CUX1: variants seen among roughly 807,000 people sequenced by gnomAD.
CUX1 encodes the protein cut like homeobox 1.
Under a neutral mutation model 158.8 loss-of-function variants are expected in CUX1, and 31 were observed. The ratio of observed to expected loss-of-function variants is 0.20; its 90% CI spans 0.15 to 0.26. The LOEUF (loss-of-function observed/expected upper bound fraction) is 0.26. CUX1 is among the 10% of genes least tolerant of loss of function. The pLI is 1.00. For missense variants in CUX1, 1,589 were observed against 2,014.6 expected, an observed-to-expected ratio of 0.79 and a Z score of 4.04; for synonymous variants, 879 against 862.1, an observed-to-expected ratio of 1.02 and a Z score of -0.34.
chr7:102,113,001 C>T (rs782536527), intron 7 of CUX1, among the ~76,000 whole-genome samples: 19 of 152,008 alleles, frequency 1.2e-4, no homozygotes, highest in Non-Finnish European at 2.5e-4. Context: ...AGAAAATAAT[C>T]ACCACAAATT....
In CUX1 at chr7:102,279,848, T is replaced by C. The variant is rs562618887; in HGVS notation, c.1681-189T>C. Among the ~76,000 whole-genome samples, 4 of 152,350 alleles carry C rather than the reference T, an allele frequency of 2.6e-5. No homozygotes were observed. In the South Asian group the frequency reaches 8.3e-4, roughly 32 times the overall value. ...GACCCCATGGGTAACTCCATGCCCC[T>C]GTGGCAGGAGGCACCAGCCACATTC... On this transcript the variant is annotated intron_variant, in intron 18 of 22. Transcript: ENST00000292538.
intron 8 of CUX1, among the ~76,000 whole-genome samples, chr7:102,146,028 T>C (rs782636776): frequency 1.1e-4 from 16 of 152,156 alleles, no homozygotes; most frequent in Non-Finnish European, 1.9e-4. Flanking sequence ...GCCACACTCT[T>C]TTCTGTAGAC....
Position 102,179,826 on chromosome 7 carries a change from G to A in CUX1, c.1017+1169G>A, listed in dbSNP as rs1297626. On this transcript the variant is annotated intron_variant, in intron 11 of 23. Coordinates refer to ENST00000292535, the MANE Select transcript of CUX1 (RefSeq NM_181552.4). The stretch of plus-strand genomic sequence containing the variant: ...AGGCCAGGGGTTCCCTGCTCTGCCC[G>A]GGGGCTGCCCGTTCAGGCCCATTCC... Among the ~76,000 whole-genome samples the A allele has an allele frequency of 1.0e-3, 155 of 152,186 alleles. 1 individual carries two copies. The highest frequency in any genetic ancestry group is 1.1e-3 in the Non-Finnish European group (74 of 68,030).
intron 10 of CUX1, among the ~76,000 whole-genome samples, chr7:102,177,240 C>G (rs557338312): frequency 1.3e-5 from 2 of 151,498 alleles, no homozygotes; most frequent in South Asian, 2.1e-4. Flanking sequence ...ATAGTGAAAC[C>G]CCATCTCTAC....
chr7:102,172,404 G>A (rs782159954), intron 10 of CUX1, among the ~76,000 whole-genome samples: 2 of 151,820 alleles, frequency 1.3e-5, no homozygotes, highest in Non-Finnish European at 2.9e-5. Context: ...AGGCTGGAAT[G>A]CAGTGGAGTG....
rs562844207 is a variant in CUX1, at chr7:101,830,119, G to T, written c.30+12450G>T. On this transcript the variant is annotated intron_variant, in intron 1 of 23. Coordinates refer to ENST00000292535, the MANE Select transcript of CUX1 (RefSeq NM_181552.4). ...GGGGAGTGAATTGCCCGTAGATACT[G>T]ATACCTGTACTTAACCCTGTGACGG... 3.3e-5 allele frequency among the ~76,000 whole-genome samples: 5 copies of T among 152,312 alleles called. No homozygotes were observed. In the East Asian group the frequency reaches 9.7e-4, roughly 29 times the overall value.
At chr7:101,848,051 CAAAAAAAAAAAAA>C (rs57428019) in intron 1 of CUX1, among the ~76,000 whole-genome samples, 3 of 65,378 alleles carry the variant, frequency 4.6e-5, no homozygotes, top group South Asian at 6.0e-4. Flanking sequence ...GAGCAAGACT[CAAAAAAAAAAAAA>C]AAAAAAAAAA....
chr7:102,203,370 A>G (rs549615210), intron 18 of CUX1, among the ~76,000 whole-genome samples: 1 of 151,768 alleles, frequency 6.6e-6, no homozygotes, highest in Non-Finnish European at 1.5e-5. Flanking sequence ...GGGTCCCTGC[A>G]TGGCGCCGTC....
chr7:101,886,855 G>A (rs552905122), intron 1 of CUX1, among the ~76,000 whole-genome samples: 30 of 152,160 alleles, frequency 2.0e-4, no homozygotes, highest in Non-Finnish European at 2.6e-4. Flanking sequence ...GAGAGCCCAC[G>A]GGTGTTTTCT....
rs1789879009 is a variant in CUX1, at chr7:102,256,228, C to T, written c.*7186C>T. 1 of 985,302 alleles carries T rather than the reference C, an allele frequency of 1.0e-6. No individual in the cohort carries two copies. Among genetic ancestry groups the T allele is most frequent in the Non-Finnish European group, 1.2e-6 (1 of 829,946 alleles). 61.0% of individuals were successfully genotyped at this position (985,302 alleles called of 1,614,324 possible). The stretch of plus-strand genomic sequence containing the variant: ...CTGAGGCCACAGCCATCCCTTCCAG[C>T]ACTTAATCTTGTCTTGTTGAAATGG... On this transcript the variant is annotated 3_prime_UTR_variant, in exon 24 of 24. Transcript: ENST00000292535.
intron 2 of CUX1, among the ~76,000 whole-genome samples, chr7:101,986,467 G>A (rs1814308982): frequency 1.3e-5 from 2 of 152,194 alleles, no homozygotes; most frequent in Non-Finnish European, 1.5e-5. Context: ...GAGAGAGCTG[G>A]CAGCCCTTCC....
chr7:101,968,174 G>A (rs1811462417), intron 2 of CUX1, among the ~76,000 whole-genome samples: 1 of 152,146 alleles, frequency 6.6e-6, no homozygotes, highest in Non-Finnish European at 1.5e-5. Context: ...CAAAATGCCA[G>A]GATTACAGGC....
chr7:101,817,156 C>T, upstream of CUX1: 1 of 984,384 alleles, frequency 1.0e-6, no homozygotes, highest in Non-Finnish European at 1.2e-6. The surrounding 1 kb of genome is among the most constrained non-coding windows in gnomAD (Gnocchi z 4.1). Flanking sequence ...GAGGCTGCAA[C>T]TTTCCCCTAG....
intron 1 of CUX1, among the ~76,000 whole-genome samples, chr7:101,884,519 C>T (rs898405955): frequency 2.0e-5 from 3 of 152,120 alleles, no homozygotes; most frequent in Non-Finnish European, 2.9e-5. Context: ...TTTAAAGCCC[C>T]GTGTGAGGTG....
At chr7:101,937,876 G>A (rs561146517) in intron 2 of CUX1, among the ~76,000 whole-genome samples, 3 of 152,284 alleles carry the variant, frequency 2.0e-5, no homozygotes, top group African/African-American at 7.2e-5. Flanking sequence ...TCTAGCAAAT[G>A]TGAGTTCAGC....
Position 102,253,563 on chromosome 7 carries a change from T to C in CUX1, c.*4521T>C. 1 of 985,510 alleles carries C rather than the reference T, an allele frequency of 1.0e-6. No individual in the cohort carries two copies. The highest frequency in any genetic ancestry group is 4.7e-5 in the South Asian group (1 of 21,292). The allele number at this position is 985,510 out of a possible 1,614,324, so 61.0% of individuals were successfully genotyped here. On this transcript the variant is annotated 3_prime_UTR_variant, in exon 24 of 24. Transcript: ENST00000292535. The stretch of plus-strand genomic sequence containing the variant: ...CATTCTATGCAATGTTTTTCATTCC[T>C]CTGATTTTAGCAAAGCAAATCTTAC...
At chr7:101,859,202 G>A (rs1797187555) in intron 1 of CUX1, among the ~76,000 whole-genome samples, 1 of 152,188 alleles carries the variant, frequency 6.6e-6, no homozygotes, top group African/African-American at 2.4e-5. Context: ...CAGAGCCCTA[G>A]AGTAACTCAG....
intron 1 of CUX1, among the ~76,000 whole-genome samples, chr7:101,867,047 G>A (rs749117943): frequency 8.0e-4 from 122 of 152,186 alleles, no homozygotes; most frequent in African/African-American, 2.8e-3. Context: ...ATGGCGAAAC[G>A]CCATCTCTAC....
chr7:101,992,398 CTG>C (rs1287001457), intron 2 of CUX1, among the ~76,000 whole-genome samples: 2 of 152,202 alleles, frequency 1.3e-5, no homozygotes, highest in African/African-American at 2.4e-5. Context: ...AAACTCCACT[CTG>C]TTTCTTTTTT....
Sources: gnomAD v4.1 joint callset for allele counts (sites outside exome capture counted in the v4.1 genomes callset) on GRCh38, gnomAD v4.1.1 for gene constraint, Gnocchi (gnomAD v3.1) non-coding constraint, MANE v1.5 for transcripts, NCBI Gene and HGNC (gene_info 2026-07-23, HGNC 2026-07-21) for gene names.